Variants in MCHR2 observed in about 807,000 individuals in gnomAD.
MCHR2 encodes the protein melanin concentrating hormone receptor 2.
A neutral mutation model predicts 24.8 loss-of-function variants in MCHR2; 15 were observed. The observed-to-expected ratio is 0.60, with a 90% CI of 0.40 to 0.93. The LOEUF (loss-of-function observed/expected upper bound fraction) is 0.93, where lower values mean the gene tolerates loss of function less well. Among genes scored for constraint, MCHR2 ranks in the 40% least tolerant of loss-of-function variants. The probability of loss-of-function intolerance (pLI) is 0.00; values close to 1 mark genes in which losing one functional copy is unlikely to be tolerated. For synonymous variants in MCHR2, 151 were observed against 147.6 expected (o/e 1.02, Z -0.17); for missense variants, 386 against 408.7 (o/e 0.94, Z 0.48).
chr6:99,947,806 G>T lies in MCHR2; in HGVS notation c.348C>A (p.Asn116Lys). The change falls in exon 3 of 6, where the codon AAC (asparagine) becomes AAA (lysine). Residue 116 changes from asparagine to lysine, a missense_variant. Transcript: ENST00000281806. ...TCATGATGGCACTACAGGCAAATTG[G>T]TTACAAGTATCCAGGGATGTGATGA... Reference protein sequence around the residue: ...CTIITSLDTCNQFACSAIMTV... With the variant: ...CTIITSLDTCKQFACSAIMTV... 6.2e-7 allele frequency: 1 copy of T among 1,613,782 alleles called. No homozygotes were observed. The highest frequency in any genetic ancestry group is 8.5e-7 in the Non-Finnish European group (1 of 1,179,782).
chr6:99,929,963 G>A (rs1774474644), intron 5 of MCHR2, among the ~76,000 whole-genome samples: 1 of 150,448 alleles, frequency 6.6e-6, no homozygotes, highest in Admixed American at 6.7e-5. Context: ...GCATGATTTT[G>A]CAGTGGCTGG....
At chr6:99,949,429 C>A (rs938540091) in intron 2 of MCHR2, among the ~76,000 whole-genome samples, 2 of 152,126 alleles carry the variant, frequency 1.3e-5, no homozygotes, top group African/African-American at 4.8e-5. Flanking sequence ...AAGAACCAGT[C>A]CTAAGATTAT....
intron 2 of MCHR2, among the ~76,000 whole-genome samples, chr6:99,952,919 T>C (rs937314346): frequency 2.6e-5 from 4 of 152,164 alleles, no homozygotes; most frequent in East Asian, 1.9e-4. Flanking sequence ...TCTCACATTA[T>C]GTATAAAATG....
rs149002878 is a variant in MCHR2, at chr6:99,935,244, T to G, written c.588-727A>C. On this transcript the variant is annotated intron_variant, in intron 4 of 5. Coordinates refer to ENST00000281806, the MANE Select transcript of MCHR2 (RefSeq NM_001040179.2). Reference sequence around the variant, plus strand: ...TCAAATTATTCTCTTCTAGCTATTTTGAAATGTACAATAGGATATTTTAAA... The same window carrying G: ...TCAAATTATTCTCTTCTAGCTATTTGGAAATGTACAATAGGATATTTTAAA... 2.7e-3 allele frequency among the ~76,000 whole-genome samples: 410 copies of G among 152,212 alleles called. 1 individual carries two copies. The highest frequency in any genetic ancestry group is 9.3e-3 in the African/African-American group (388 of 41,580).
chr6:99,921,639 CTT>C (rs1447007647), intron 5 of MCHR2, among the ~76,000 whole-genome samples: 2 of 152,152 alleles, frequency 1.3e-5, no homozygotes, highest in Admixed American at 6.5e-5. Context: ...CAATTATACT[CTT>C]TTAGTTATTT....
chr6:99,964,963 T>C (rs184795894), intron 1 of MCHR2, among the ~76,000 whole-genome samples: 26 of 152,220 alleles, frequency 1.7e-4, no homozygotes, highest in East Asian at 1.4e-3. Flanking sequence ...TAGGGCTACA[T>C]ATAATGATGG....
intron 1 of MCHR2, among the ~76,000 whole-genome samples, chr6:99,959,045 G>C (rs1421980415): frequency 1.3e-5 from 2 of 152,122 alleles, no homozygotes; most frequent in Non-Finnish European, 2.9e-5. Context: ...TAGGAGGAGT[G>C]AAGATTGGAG....
intron 4 of MCHR2, among the ~76,000 whole-genome samples, chr6:99,937,227 G>T (rs1774679692): frequency 6.6e-6 from 1 of 151,862 alleles, no homozygotes; most frequent in Non-Finnish European, 1.5e-5. Flanking sequence ...GCTCTGGCTA[G>T]GATTTCTGAT....
chr6:99,941,723 T>A (rs1255536696), intron 4 of MCHR2, among the ~76,000 whole-genome samples: 1 of 152,162 alleles, frequency 6.6e-6, no homozygotes, highest in Non-Finnish European at 1.5e-5. Context: ...ATGCTGGCAG[T>A]TTCATCTTGG....
chr6:99,947,793 T>C lies in MCHR2; in HGVS notation c.361A>G (p.Ser121Gly). ...ACACTCATTACAGTCATGATGGCACTACAGGCAAATTGGTTACAAGTATCC... is the reference window on the plus strand; with the variant it reads ...ACACTCATTACAGTCATGATGGCACCACAGGCAAATTGGTTACAAGTATCC... ...SLDTCNQFAC[S>G]AIMTVMSVDR... Residue 121 changes from serine to glycine, a missense_variant, in exon 3 of 6, where the codon AGT becomes GGT. By Grantham distance (56) the Ser-to-Gly change is moderately conservative. Coordinates refer to ENST00000281806, the MANE Select transcript of MCHR2 (RefSeq NM_001040179.2). 1 of 1,613,782 alleles carries C rather than the reference T, an allele frequency of 6.2e-7. No individual in the cohort carries two copies. Among genetic ancestry groups the C allele is most frequent in the Non-Finnish European group, 8.5e-7 (1 of 1,179,764 alleles).
chr6:99,969,181 T>C (rs1406936099), intron 1 of MCHR2, among the ~76,000 whole-genome samples: 1 of 152,074 alleles, frequency 6.6e-6, no homozygotes, highest in Non-Finnish European at 1.5e-5. Context: ...TAACGTAATT[T>C]AGAAAACTCG....
chr6:99,923,737 G>A (rs1582364833), intron 5 of MCHR2, among the ~76,000 whole-genome samples: 3 of 151,976 alleles, frequency 2.0e-5, no homozygotes, highest in East Asian at 1.9e-4. Context: ...ATTTACATAC[G>A]TTGAATCATC....
intron 1 of MCHR2, among the ~76,000 whole-genome samples, chr6:99,976,900 C>G (rs960546314): frequency 6.6e-6 from 1 of 152,224 alleles, no homozygotes; most frequent in Non-Finnish European, 1.5e-5. Flanking sequence ...CGCTTGCTGG[C>G]CCCTTGCCAC....
intron 2 of MCHR2, among the ~76,000 whole-genome samples, chr6:99,952,605 C>T (rs1774985705): frequency 6.6e-6 from 1 of 151,944 alleles, no homozygotes; most frequent in South Asian, 2.1e-4. Flanking sequence ...CATAAAGTAA[C>T]AAATAAAAGA....
At chr6:99,965,192 C>T (rs1406005992) in intron 1 of MCHR2, among the ~76,000 whole-genome samples, 1 of 152,070 alleles carries the variant, frequency 6.6e-6, no homozygotes, top group East Asian at 1.9e-4. Flanking sequence ...TAACATCTGA[C>T]CATATGGTTT....
In MCHR2 at chr6:99,918,634, A is replaced by G. The variant is rs959946479; in HGVS notation, c.*2306T>C. ...TTGACTGAGTGACAAATACCCAAGTATCATTATTAACTTCATTTGAAAGTA... is the reference window on the plus strand; with the variant it reads ...TTGACTGAGTGACAAATACCCAAGTGTCATTATTAACTTCATTTGAAAGTA... On this transcript the variant is annotated 3_prime_UTR_variant, in exon 6 of 6. Coordinates refer to ENST00000281806, the MANE Select transcript of MCHR2 (RefSeq NM_001040179.2). 2.0e-5 allele frequency among the ~76,000 whole-genome samples: 3 copies of G among 152,238 alleles called. No homozygotes were observed. The highest frequency in any genetic ancestry group is 7.2e-5 in the African/African-American group (3 of 41,462).
intron 1 of MCHR2, among the ~76,000 whole-genome samples, chr6:99,968,074 A>G (rs2114561755): frequency 6.6e-6 from 1 of 152,326 alleles, no homozygotes; most frequent in South Asian, 2.1e-4. Flanking sequence ...AGAATAATGT[A>G]TTCTAGTAAG....
At chr6:99,976,175 G>A (rs1222133293) in intron 1 of MCHR2, among the ~76,000 whole-genome samples, 1 of 152,152 alleles carries the variant, frequency 6.6e-6, no homozygotes, top group African/African-American at 2.4e-5. Flanking sequence ...ATAATATAGT[G>A]TTTTGATTAA....
intron 1 of MCHR2, among the ~76,000 whole-genome samples, chr6:99,976,577 G>T (rs1775555717): frequency 6.6e-6 from 1 of 152,214 alleles, no homozygotes; most frequent in Non-Finnish European, 1.5e-5. Context: ...AGCTACTCCA[G>T]GTGTGGCTGC....
Sources: gnomAD v4.1 joint callset for allele counts (sites outside exome capture counted in the v4.1 genomes callset) on GRCh38, gnomAD v4.1.1 for gene constraint, MANE v1.5 for transcripts, NCBI Gene and HGNC (gene_info 2026-07-23, HGNC 2026-07-21) for gene names.